Variants in ZNF705A observed in about 807,000 individuals in gnomAD.
The protein encoded by ZNF705A is zinc finger protein 705A.
Under a neutral mutation model 16.6 loss-of-function variants are expected in ZNF705A, and 8 were observed. That is an observed-to-expected ratio of 0.48 (90% CI 0.28 to 0.87). The LOEUF is 0.87. Ranked by LOEUF, ZNF705A falls within the 40% of genes least tolerant of loss-of-function variation. ZNF705A has a pLI of 0.10. For missense variants in ZNF705A, 233 were observed against 359.9 expected (o/e 0.65, Z 2.85); for synonymous variants, 73 against 117.3 (o/e 0.62, Z 2.44).
intron 1 of ZNF705A, among the ~76,000 whole-genome samples, chr12:8,158,323 T>C (rs144944409): frequency 1.3e-5 from 2 of 152,262 alleles, no homozygotes; most frequent in East Asian, 1.9e-4. Context: ...CAAACAACCA[T>C]TGAGCTGTTC....
chr12:8,158,356 T>C (rs1591619933), intron 1 of ZNF705A, among the ~76,000 whole-genome samples: 1 of 152,248 alleles, frequency 6.6e-6, no homozygotes, highest in Admixed American at 6.5e-5. Flanking sequence ...ATATTTTTCT[T>C]TTCTAGAGTT....
chr12:8,179,842 T>G (rs1336997723), exon 5 of ZNF705A: 1 of 152,222 alleles, frequency 6.6e-6, no homozygotes, highest in East Asian at 1.9e-4. Context: ...CACATTGAGA[T>G]GTACTATTTG....
chr12:8,169,980 A>G (rs764761790), upstream of ZNF705A, among the ~76,000 whole-genome samples: 1 of 152,204 alleles, frequency 6.6e-6, no homozygotes, highest in Non-Finnish European at 1.5e-5. Flanking sequence ...ACCTGAGGTC[A>G]GGAGTTCCAG....
At chr12:8,171,588 G>C (rs999813552), upstream of ZNF705A, among the ~76,000 whole-genome samples, 3 of 152,184 alleles carry the variant, frequency 2.0e-5, no homozygotes, top group African/African-American at 7.2e-5. Flanking sequence ...CATCCTAGAG[G>C]ATTGTGACTG....
At chr12:8,177,001 G>A in exon 5 of ZNF705A, 1 of 1,610,450 alleles carries the variant, frequency 6.2e-7, no homozygotes. Flanking sequence ...TCCCAAAGGA[G>A]AACTCTCTCA....
At chr12:8,168,894 CTTAGA>C (rs1304399151), upstream of ZNF705A, 1 of 152,112 alleles carries the variant, frequency 6.6e-6, no homozygotes, top group African/African-American at 2.4e-5. Flanking sequence ...GAGGTAAGTA[CTTAGA>C]TTATTTTTTT....
upstream of ZNF705A, among the ~76,000 whole-genome samples, chr12:8,169,341 GCTTGCAAT>G (rs1248092725): frequency 3.3e-5 from 5 of 152,108 alleles, no homozygotes; most frequent in Non-Finnish European, 7.4e-5. Flanking sequence ...GCCATGAGAG[GCTTGCAAT>G]CCTGTCAAGA....
intron 1 of ZNF705A, among the ~76,000 whole-genome samples, chr12:8,163,289 C>T (rs777613612): frequency 0.013 from 1,921 of 152,204 alleles, 50 homozygotes; most frequent in African/African-American, 0.044. Context: ...GCAATACAGA[C>T]GCTTAGTTCC....
intron 1 of ZNF705A, among the ~76,000 whole-genome samples, chr12:8,161,281 T>G (rs1474711651): frequency 2.0e-5 from 3 of 152,118 alleles, no homozygotes; most frequent in African/African-American, 7.2e-5. Flanking sequence ...GGTTAAGTTC[T>G]TTCTTGGTAT....
intron 1 of ZNF705A, among the ~76,000 whole-genome samples, chr12:8,172,989 A>G (rs776921272): frequency 1.3e-5 from 2 of 152,364 alleles, no homozygotes; most frequent in African/African-American, 4.8e-5. Flanking sequence ...TATCCATCCT[A>G]TAATCTCATA....
chr12:8,165,450 ATTTTTTTT>A lies in ZNF705A; in HGVS notation c.-71-7087_-71-7080del, dbSNP rs57581482. ...GGCACCTGCCACCACGCCCAGCTAA[ATTTTTTTT>A]TTTTTTTTTTTTTTTTTAGTGGAGA... On this transcript the variant is annotated intron_variant, in intron 1 of 5. Coordinates refer to the ZNF705A transcript ENST00000396570. Among the ~76,000 whole-genome samples, 14 of 81,946 alleles carry A rather than the reference ATTTTTTTT, an allele frequency of 1.7e-4. No individual in the cohort carries two copies. The East Asian group carries it at 2.3e-3, about 13-fold the overall frequency. 53.8% of individuals were successfully genotyped at this position (81,946 alleles called of 152,430 possible). A position where few individuals can be genotyped will look rare whatever the true frequency, so the allele number is the denominator to read the frequency against.
chr12:8,168,100 G>A (rs1158371646), upstream of ZNF705A, among the ~76,000 whole-genome samples: 3 of 152,132 alleles, frequency 2.0e-5, no homozygotes, highest in African/African-American at 4.8e-5. Context: ...TTCCTTTTCC[G>A]GTGGAGTGTG....
At chr12:8,164,843 A>G (rs771098491) in intron 1 of ZNF705A, among the ~76,000 whole-genome samples, 1 of 152,204 alleles carries the variant, frequency 6.6e-6, no homozygotes, top group African/African-American at 2.4e-5. Flanking sequence ...TCCTTTGGGT[A>G]TATACCTAGT....
At chr12:8,161,963 C>T (rs774301859) in intron 1 of ZNF705A, among the ~76,000 whole-genome samples, 4 of 152,136 alleles carry the variant, frequency 2.6e-5, no homozygotes, top group Non-Finnish European at 4.4e-5. Context: ...CGGAACTATC[C>T]TAAGTCAGAA....
intron 1 of ZNF705A, among the ~76,000 whole-genome samples, chr12:8,162,394 T>C (rs889960890): frequency 6.6e-6 from 1 of 152,072 alleles, no homozygotes; most frequent in Non-Finnish European, 1.5e-5. Flanking sequence ...TTCAGAAAAT[T>C]TGGGCAGAGC....
chr12:8,174,041 G>C, intron 1 of ZNF705A, among the ~76,000 whole-genome samples: 1 of 152,126 alleles, frequency 6.6e-6, no homozygotes, highest in South Asian at 2.1e-4. Flanking sequence ...TTTATAATCA[G>C]TTATGTAGAG....
chr12:8,171,065 G>T (rs1948441112), upstream of ZNF705A, among the ~76,000 whole-genome samples: 6 of 152,186 alleles, frequency 3.9e-5, no homozygotes, highest in South Asian at 1.2e-3. Context: ...TTGTAATTTT[G>T]TCATATTTTT....
chr12:8,179,343 CTTGCAAGCCTTT>C (rs1025350412), exon 5 of ZNF705A: 2 of 152,210 alleles, frequency 1.3e-5, no homozygotes, highest in African/African-American at 4.8e-5. Flanking sequence ...TGTCAGCCAC[CTTGCAAGCCTTT>C]CCTATATTCG....
exon 5 of ZNF705A, chr12:8,178,562 G>GA (rs1044824986): frequency 3.3e-5 from 5 of 152,266 alleles, no homozygotes; most frequent in South Asian, 2.1e-4. Flanking sequence ...TGGACCTCTA[G>GA]AAAAAACTCT....
Sources: gnomAD v4.1 joint callset for allele counts (sites outside exome capture counted in the v4.1 genomes callset) on GRCh38, gnomAD v4.1.1 for gene constraint, MANE v1.5 for transcripts, NCBI Gene and HGNC (gene_info 2026-07-23, HGNC 2026-07-21) for gene names.